Variants in CELF2 observed in about 807,000 individuals in gnomAD.
CELF2 encodes CUGBP Elav-like family member 2.
Under a neutral mutation model 62.6 loss-of-function variants are expected in CELF2, and 8 were observed. The ratio of observed to expected loss-of-function variants is 0.13; its 90% CI spans 0.07 to 0.23. CELF2 has a LOEUF of 0.23. CELF2 is among the 10% of genes least tolerant of loss of function. The pLI is 1.00. For synonymous variants in CELF2, 258 were observed against 250.0 expected, an observed-to-expected ratio of 1.03 and a Z score of -0.30; for missense variants, 333 against 671.0, an observed-to-expected ratio of 0.50 and a Z score of 5.56.
chr10:11,077,694 C>G (rs1187760841), intron 1 of CELF2, among the ~76,000 whole-genome samples: 1 of 152,148 alleles, frequency 6.6e-6, no homozygotes, highest in Admixed American at 6.6e-5. Flanking sequence ...TTTCATTGCC[C>G]TGTAAGTGAG....
At chr10:11,049,482 A>G (rs548265561) in intron 1 of CELF2, among the ~76,000 whole-genome samples, 1 of 148,236 alleles carries the variant, frequency 6.7e-6, no homozygotes, top group East Asian at 2.0e-4. Flanking sequence ...TGTGAAAACA[A>G]TGTGAACCGG....
At chr10:10,643,017 T>C in the CELF2 span, among the ~76,000 whole-genome samples, 1 of 152,268 alleles carries the variant, frequency 6.6e-6, no homozygotes, top group African/African-American at 2.4e-5. Context: ...GGCTCAGCCC[T>C]TTGAGTTCTG....
chr10:10,852,734 C>G (rs1158261881), intron 1 of CELF2, among the ~76,000 whole-genome samples: 1 of 152,196 alleles, frequency 6.6e-6, no homozygotes, highest in South Asian at 2.1e-4. Flanking sequence ...TTCACATGAT[C>G]TGTCTGTGTT....
the CELF2 span, among the ~76,000 whole-genome samples, chr10:10,708,861 C>A: frequency 0.024 from 3,659 of 152,186 alleles, 143 homozygotes; most frequent in African/African-American, 0.084. Flanking sequence ...CACACACACA[C>A]CCTTACACAC....
chr10:10,656,849 T>G, the CELF2 span, among the ~76,000 whole-genome samples: 1 of 148,550 alleles, frequency 6.7e-6, no homozygotes, highest in Non-Finnish European at 1.5e-5. Flanking sequence ...TGTGCACATG[T>G]ACCCTAAAAC....
intron 1 of CELF2, among the ~76,000 whole-genome samples, chr10:11,036,677 A>G (rs756109172): frequency 4.6e-5 from 7 of 152,156 alleles, no homozygotes; most frequent in Non-Finnish European, 8.8e-5. Context: ...CTCCTATGGG[A>G]AGATGATATC....
chr10:10,956,888 T>C (rs902190644), intron 2 of CELF2, among the ~76,000 whole-genome samples: 2 of 151,704 alleles, frequency 1.3e-5, no homozygotes, highest in African/African-American at 4.8e-5. Flanking sequence ...GAGCTATGAT[T>C]GCACCACAGC....
chr10:10,813,972 G>C (rs953775622), intron 1 of CELF2, among the ~76,000 whole-genome samples: 1 of 152,138 alleles, frequency 6.6e-6, no homozygotes, highest in East Asian at 1.9e-4. Context: ...GTGTACAAGA[G>C]ATGAGAGAGA....
the CELF2 span, among the ~76,000 whole-genome samples, chr10:10,788,453 C>CTT: frequency 2.3e-3 from 217 of 95,738 alleles, 18 homozygotes; most frequent in South Asian, 5.3e-3. Flanking sequence ...TTCTTTCCAT[C>CTT]TTTTTTTTTT....
intron 1 of CELF2, among the ~76,000 whole-genome samples, chr10:11,113,671 G>A (rs1298877964): frequency 1.3e-5 from 2 of 152,144 alleles, no homozygotes; most frequent in Non-Finnish European, 2.9e-5. Flanking sequence ...TGGTGTTCTG[G>A]TGGGGCTAGG....
At position 11,197,027 on chromosome 10, in the gene CELF2, A is replaced by AGAGAGAGAG. The variant is rs1406923666; in HGVS notation, c.272-20398_272-20397insGAGAGAGAG. Among the ~76,000 whole-genome samples the AGAGAGAGAG allele has an allele frequency of 3.7e-3, 138 of 37,046 alleles. 24 individuals are homozygous for AGAGAGAGAG. The highest frequency in any genetic ancestry group is 0.025 in the African/African-American group (136 of 5,470). The allele number at this position is 37,046 out of a possible 152,430, so 24.3% of individuals were successfully genotyped here. On this transcript the variant is annotated intron_variant, in intron 2 of 12. Coordinates refer to ENST00000633077, the MANE Select transcript of CELF2 (RefSeq NM_001326342.2). ...GAGAAAGAAAGAAAGAAAGAAAGAA[A>AGAGAGAGAG]AGAAAGAAAGAAAGAAAGAAAGAAA...
At position 10,913,858 on chromosome 10, in the gene CELF2, A is replaced by AAGGAAGGAAGGAAG. The variant is rs1554880057; in HGVS notation, c.54-6106_54-6105insAGGAAGGAAGGAAG. ...AGGAAGGAAGGAAGGAGGGAAGGAG[A>AAGGAAGGAAGGAAG]GAAGGAAGGAAGGAAGGAAGGAAGG... On this transcript the variant is annotated intron_variant, in intron 1 of 13. Coordinates refer to the CELF2 transcript ENST00000636488. 4.7e-3 allele frequency among the ~76,000 whole-genome samples: 473 copies of AAGGAAGGAAGGAAG among 101,144 alleles called. 2 individuals carry two copies. Among genetic ancestry groups the AAGGAAGGAAGGAAG allele is most frequent in the Non-Finnish European group, 6.8e-3 (349 of 51,648 alleles). 66.4% of individuals were successfully genotyped at this position (101,144 alleles called of 152,430 possible).
intron 1 of CELF2, among the ~76,000 whole-genome samples, chr10:11,095,383 G>A (rs953630189): frequency 1.3e-5 from 2 of 152,186 alleles, no homozygotes; most frequent in African/African-American, 4.8e-5. Context: ...TTGGGTAAAT[G>A]TGACTGAGGA....
chr10:11,074,475 A>G (rs2071233217), intron 1 of CELF2, among the ~76,000 whole-genome samples: 3 of 152,206 alleles, frequency 2.0e-5, no homozygotes, highest in Non-Finnish European at 1.5e-5. Context: ...ATATCTTAGT[A>G]CTGCCTTAGA....
chr10:11,332,305 T>TTCCTAAATAC lies in CELF2; in HGVS notation c.*3262_*3271dup, dbSNP rs1214575767. 6.6e-6 allele frequency: 1 copy of TTCCTAAATAC among 152,214 alleles called. No individual in the cohort carries two copies. The highest frequency in any genetic ancestry group is 2.4e-5 in the African/African-American group (1 of 41,442). The allele number at this position is 152,214 out of a possible 1,614,324, so 9.4% of individuals were successfully genotyped here. On this transcript the variant is annotated 3_prime_UTR_variant, in exon 13 of 13. Coordinates refer to ENST00000633077, the MANE Select transcript of CELF2 (RefSeq NM_001326342.2). ...GTCTCTTGAGGGGTTTTGTTTCTGT[T>TTCCTAAATAC]TCCTAAATACTCCTAAATAATATTT...
At chr10:10,763,264 C>A in the CELF2 span, among the ~76,000 whole-genome samples, 2 of 152,204 alleles carry the variant, frequency 1.3e-5, no homozygotes, top group Non-Finnish European at 2.9e-5. Context: ...GTCATTTGAG[C>A]AGTTCCAACA....
At chr10:10,497,214 G>A in the CELF2 span, among the ~76,000 whole-genome samples, 7 of 143,198 alleles carry the variant, frequency 4.9e-5, no homozygotes, top group Non-Finnish European at 6.1e-5. Context: ...AAGATAAAAA[G>A]AAAAAAAAAA....
the CELF2 span, among the ~76,000 whole-genome samples, chr10:10,644,545 C>T: frequency 6.6e-6 from 1 of 152,094 alleles, no homozygotes; most frequent in Admixed American, 6.6e-5. Flanking sequence ...CCCTGTGACT[C>T]AGTATCCTCT....
At chr10:10,950,139 C>A (rs930146324) in intron 2 of CELF2, among the ~76,000 whole-genome samples, 3 of 152,288 alleles carry the variant, frequency 2.0e-5, no homozygotes, top group Middle Eastern at 3.4e-3. Context: ...CCTGGGTTTC[C>A]CTACCTTGAC....
Sources: allele counts gnomAD v4.1 joint callset (sites outside exome capture counted in the v4.1 genomes callset), GRCh38; gene constraint gnomAD v4.1.1; transcripts MANE v1.5; gene names NCBI Gene and HGNC (gene_info 2026-07-23, HGNC 2026-07-21).